WSCD2: variants seen among roughly 807,000 people sequenced by gnomAD.
WSCD2 encodes the protein WSC domain sialate O sulfotransferase 2, also known as sialate:O-sulfotransferase 2.
A neutral mutation model predicts 55.7 loss-of-function variants in WSCD2; 28 were observed. The ratio of observed to expected loss-of-function variants is 0.50; its 90% CI spans 0.37 to 0.69. The LOEUF is 0.69. WSCD2 is among the 30% of genes least tolerant of loss of function. The pLI is 0.00. For missense variants in WSCD2, 616 were observed against 762.1 expected (o/e 0.81, Z 2.26); for synonymous variants, 301 against 301.9 (o/e 1.00, Z 0.03).
chr12:108,159,928 G>A (rs1296954002), intron 1 of WSCD2, among the ~76,000 whole-genome samples: 1 of 152,258 alleles, frequency 6.6e-6, no homozygotes, highest in Non-Finnish European at 1.5e-5. Context: ...GAGGGCTCCT[G>A]AGGTTTCCCC....
chr12:108,206,514 G>C, intron 3 of WSCD2, 111 bp downstream of exon 3: 1 of 1,050,428 alleles, frequency 9.5e-7, no homozygotes, highest in Admixed American at 2.0e-5. Flanking sequence ...GTGAGCACGT[G>C]ACCACAGGAA....
chr12:108,135,846 C>T (rs1320650922), intron 1 of WSCD2, among the ~76,000 whole-genome samples: 7 of 95,198 alleles, frequency 7.4e-5, no homozygotes, highest in Non-Finnish European at 1.7e-4. Context: ...TATTGCAACT[C>T]AGCTAAGCCC....
intron 7 of WSCD2, 120 bp downstream of exon 7, chr12:108,233,015 G>C: frequency 7.3e-7 from 1 of 1,379,266 alleles, no homozygotes. Context: ...GCTCTCCCAG[G>C]CACACTTTTT....
chr12:108,196,185 G>T lies in WSCD2; in HGVS notation c.353G>T (p.Arg118Met). 1.2e-6 allele frequency: 2 copies of T among 1,613,928 alleles called. No homozygotes were observed. The highest frequency in any genetic ancestry group is 1.7e-6 in the Non-Finnish European group (2 of 1,179,890). Residue 118 changes from arginine to methionine, a missense_variant, in exon 2 of 9, where the codon AGG (arginine) becomes ATG (methionine). Arg to Met is a moderately conservative substitution (Grantham distance 91). Around this residue, in one of 3 missense-constraint regions of WSCD2, gnomAD observed 374 missense variants for 467.4 expected, o/e 0.80. Coordinates refer to ENST00000547525, the MANE Select transcript of WSCD2 (RefSeq NM_014653.4). The stretch of plus-strand genomic sequence containing the variant: ...GCCTGGAGCCGAGCCCTCAAGGGGA[G>T]GGTTGTCCGGGAGAAGGAGGAAGAG... Reference protein sequence around the residue: ...GGAWSRALKGRVVREKEEERA... With the variant: ...GGAWSRALKGMVVREKEEERA...
chr12:108,194,512 C>T (rs946124538), intron 1 of WSCD2, among the ~76,000 whole-genome samples: 1 of 152,190 alleles, frequency 6.6e-6, no homozygotes, highest in Admixed American at 6.5e-5. Context: ...GCTGTGTGAC[C>T]TCCATTTCCT....
At chr12:108,227,199 CACT>C in intron 6 of WSCD2, 35 bp downstream of exon 6, 1 of 1,592,246 alleles carries the variant, frequency 6.3e-7, no homozygotes, top group Non-Finnish European at 8.6e-7. Flanking sequence ...ACCCCAGATG[CACT>C]CCCAGTGGCT....
intron 1 of WSCD2, among the ~76,000 whole-genome samples, chr12:108,138,656 G>C (rs1295395479): frequency 1.3e-5 from 2 of 152,154 alleles, no homozygotes; most frequent in African/African-American, 4.8e-5. Flanking sequence ...GTGTCTGTGG[G>C]CATCTGTTCA....
chr12:108,244,853 A>T (rs1302719873), intron 8 of WSCD2, among the ~76,000 whole-genome samples: 4 of 152,058 alleles, frequency 2.6e-5, no homozygotes, highest in Non-Finnish European at 5.9e-5. Flanking sequence ...TTTTCTTTTT[A>T]AAAATTTATT....
chr12:108,150,123 G>A (rs1877820065), intron 1 of WSCD2, among the ~76,000 whole-genome samples: 1 of 145,892 alleles, frequency 6.9e-6, no homozygotes, highest in Non-Finnish European at 1.5e-5. Context: ...CTATGAGGGT[G>A]GTGTTATTAT....
chr12:108,137,360 C>A (rs1343769500), intron 1 of WSCD2, among the ~76,000 whole-genome samples: 1 of 152,202 alleles, frequency 6.6e-6, no homozygotes, highest in South Asian at 2.1e-4. Flanking sequence ...AGAAAAGAGC[C>A]AGCATTCCCT....
At chr12:108,233,028 G>T in intron 7 of WSCD2, 133 bp downstream of exon 7, 2 of 1,235,498 alleles carry the variant, frequency 1.6e-6, no homozygotes, top group Non-Finnish European at 2.2e-6. Context: ...CACTTTTTGA[G>T]ACTCACTGCA....
chr12:108,203,585 A>G (rs1306017196), intron 2 of WSCD2, among the ~76,000 whole-genome samples: 1 of 152,188 alleles, frequency 6.6e-6, no homozygotes, highest in Non-Finnish European at 1.5e-5. Flanking sequence ...ACCTATCTAG[A>G]GCAAATGCTT....
chr12:108,143,294 C>T (rs186094266), intron 1 of WSCD2, among the ~76,000 whole-genome samples: 450 of 152,336 alleles, frequency 3.0e-3, no homozygotes, highest in Non-Finnish European at 5.5e-3. Flanking sequence ...GCACCTGTCA[C>T]AGTGACTAGG....
chr12:108,235,184 CA>C lies in WSCD2; in HGVS notation c.1144+2290del, dbSNP rs546201000. Among the ~76,000 whole-genome samples, 28 of 152,270 alleles carry C rather than the reference CA, an allele frequency of 1.8e-4. No homozygotes were observed. In the East Asian group the frequency reaches 4.8e-3, roughly 26 times the overall value. On this transcript the variant is annotated intron_variant, in intron 7 of 8. Coordinates refer to ENST00000547525, the MANE Select transcript of WSCD2 (RefSeq NM_014653.4). ...TTCCTAATCTATAATACAGGAATGT[CA>C]GTACTGAACTCAAAGATTTTCCAAA...
At position 108,248,540 on chromosome 12, in the gene WSCD2, G is replaced by A. The variant is rs529535103; in HGVS notation, c.*197G>A. 674 of 1,400,092 alleles carry A rather than the reference G, an allele frequency of 4.8e-4. 2 individuals are homozygous for A. Among genetic ancestry groups the A allele is most frequent in the Middle Eastern group, 1.6e-3 (6 of 3,754 alleles). 86.7% of individuals were successfully genotyped at this position (1,400,092 alleles called of 1,614,324 possible). A position where few individuals can be genotyped will look rare whatever the true frequency, so the allele number is the denominator to read the frequency against. Reference sequence around the variant, plus strand: ...GAGATTGCCCAGGCACTACCACTCTGCTCACATGTTCCCCCCTTGGCAATG... The same window carrying A: ...GAGATTGCCCAGGCACTACCACTCTACTCACATGTTCCCCCCTTGGCAATG... On this transcript the variant is annotated 3_prime_UTR_variant, in exon 9 of 9. Transcript: ENST00000547525. This position sits in a 1 kb window ranked among gnomAD's most constrained non-coding sequence, Gnocchi z 4.3.
At chr12:108,224,714 A>T (rs1199094769) in intron 4 of WSCD2, 25 bp from the exon 5 acceptor site, 1 of 1,607,134 alleles carries the variant, frequency 6.2e-7, no homozygotes, top group Non-Finnish European at 8.5e-7. Context: ...ATATCTGACT[A>T]GTCCTCTTCT....
chr12:108,247,207 C>G (rs1226275987), intron 8 of WSCD2, among the ~76,000 whole-genome samples: 1 of 151,878 alleles, frequency 6.6e-6, no homozygotes, highest in Non-Finnish European at 1.5e-5. Context: ...CCTCGGTTTT[C>G]TCTTCTGTTA....
At chr12:108,143,941 A>G (rs1001975117) in intron 1 of WSCD2, among the ~76,000 whole-genome samples, 1 of 152,220 alleles carries the variant, frequency 6.6e-6, no homozygotes, top group Non-Finnish European at 1.5e-5. Flanking sequence ...GACAGGCAGG[A>G]GGACTATGGT....
intron 6 of WSCD2, among the ~76,000 whole-genome samples, chr12:108,232,408 G>A (rs1198571291): frequency 6.6e-6 from 1 of 152,142 alleles, no homozygotes; most frequent in African/African-American, 2.4e-5. Flanking sequence ...GCTCTGCTGG[G>A]GGGAAACTGG....
Sources: allele counts gnomAD v4.1 joint callset (sites outside exome capture counted in the v4.1 genomes callset), GRCh38; gene constraint gnomAD v4.1.1; regional missense constraint gnomAD v4.1.1; non-coding constraint Gnocchi (gnomAD v3.1); transcripts MANE v1.5; gene names NCBI Gene and HGNC (gene_info 2026-07-23, HGNC 2026-07-21).